Variants in CLIP1 observed in about 807,000 individuals in gnomAD.
CLIP1 encodes the protein CAP-Gly domain-containing linker protein 1.
CLIP1 carries 66 observed loss-of-function variants against 161.6 expected under a neutral mutation model. The observed-to-expected ratio is 0.41, with a 90% CI of 0.33 to 0.50. The LOEUF (loss-of-function observed/expected upper bound fraction) is 0.50. Among genes scored for constraint, CLIP1 ranks in the 20% least tolerant of loss-of-function variants. The pLI, the probability that CLIP1 is intolerant of heterozygous loss-of-function variation, is 0.27. For missense variants in CLIP1, 1,376 were observed against 1,702.0 expected (o/e 0.81, Z 3.37); for synonymous variants, 598 against 626.2 (o/e 0.96, Z 0.67).
chr12:122,372,659 G>A (rs571186438), intron 3 of CLIP1, among the ~76,000 whole-genome samples: 1 of 151,810 alleles, frequency 6.6e-6, no homozygotes, highest in African/African-American at 2.4e-5. Context: ...TCATCGCAAA[G>A]GAATTAAGCT....
intron 1 of CLIP1, among the ~76,000 whole-genome samples, chr12:122,404,201 T>G (rs916480226): frequency 1.3e-5 from 2 of 152,154 alleles, no homozygotes; most frequent in Non-Finnish European, 2.9e-5. Context: ...GAAGGGCCAA[T>G]GTATCAAATC....
intron 3 of CLIP1, among the ~76,000 whole-genome samples, chr12:122,364,617 C>CTGGT (rs1240164999): frequency 6.6e-6 from 1 of 152,034 alleles, no homozygotes; most frequent in Non-Finnish European, 1.5e-5. Flanking sequence ...GTTGCCCAGG[C>CTGGT]TGGTCTTGAA....
chr12:122,407,679 G>T (rs1361995956), intron 1 of CLIP1, among the ~76,000 whole-genome samples: 2 of 129,114 alleles, frequency 1.5e-5, no homozygotes, highest in Non-Finnish European at 3.1e-5. Context: ...GCCTGGATGA[G>T]TTTTTTTTTT....
chr12:122,319,807 G>C (rs1566111641), intron 17 of CLIP1, among the ~76,000 whole-genome samples: 1 of 152,102 alleles, frequency 6.6e-6, no homozygotes, highest in Non-Finnish European at 1.5e-5. Flanking sequence ...AATTTAGGCT[G>C]AGAATTTTTC....
intron 3 of CLIP1, among the ~76,000 whole-genome samples, chr12:122,375,357 C>T (rs987598266): frequency 6.6e-6 from 1 of 150,920 alleles, no homozygotes; most frequent in African/African-American, 2.4e-5. Flanking sequence ...CACTCTGTTG[C>T]CCAGGCTAGA....
Position 122,354,482 on chromosome 12 carries a change from C to T in CLIP1, c.1278G>A (p.Glu426=), listed in dbSNP as rs1338800233. 1.9e-6 allele frequency: 3 copies of T among 1,613,664 alleles called. No individual in the cohort carries two copies. Among genetic ancestry groups the T allele is most frequent in the Non-Finnish European group, 2.5e-6 (3 of 1,179,832 alleles). The part of the protein sequence containing the change: ...MVEAADREKV[E]LLNQLEEEKR... Reference sequence around the variant, plus strand: ...TCTCCTCTTCAAGCTGGTTGAGAAGCTCCACCTTCTCCCTGTCAGCAGCTT... The same window carrying T: ...TCTCCTCTTCAAGCTGGTTGAGAAGTTCCACCTTCTCCCTGTCAGCAGCTT... Residue 426 remains glutamate (E), a synonymous_variant, in exon 7 of 26, where the codon GAG becomes GAA. Transcript: ENST00000620786.
At chr12:122,391,788 C>G (rs1022593528) in intron 1 of CLIP1, among the ~76,000 whole-genome samples, 6 of 152,104 alleles carry the variant, frequency 3.9e-5, no homozygotes, top group Admixed American at 1.3e-4. Flanking sequence ...AGCCTCAATG[C>G]CTGGAAAACA....
intron 1 of CLIP1, among the ~76,000 whole-genome samples, chr12:122,422,108 G>T (rs1187734992): frequency 6.6e-6 from 1 of 152,118 alleles, no homozygotes; most frequent in Non-Finnish European, 1.5e-5. Context: ...GGGGCAACAG[G>T]TCCCGCCCGG....
At chr12:122,296,480 C>T (rs1368865042) in intron 20 of CLIP1, among the ~76,000 whole-genome samples, 1 of 151,782 alleles carries the variant, frequency 6.6e-6, no homozygotes, top group Non-Finnish European at 1.5e-5. Flanking sequence ...CGAGGAACAC[C>T]AAGGAAAAAT....
chr12:122,359,597 T>C (rs1361344669), intron 5 of CLIP1, among the ~76,000 whole-genome samples: 2 of 152,224 alleles, frequency 1.3e-5, no homozygotes, highest in South Asian at 2.1e-4. Flanking sequence ...TAAAAGTAAT[T>C]TTTCTGTTGA....
intron 1 of CLIP1, among the ~76,000 whole-genome samples, chr12:122,417,297 AAAAAC>A (rs374831413): frequency 0.01 from 1,530 of 151,918 alleles, 26 homozygotes; most frequent in African/African-American, 0.034. Context: ...ATTTTGTCTT[AAAAAC>A]AAAACAAAAC....
At chr12:122,357,203 G>A (rs1365697876) in intron 5 of CLIP1, among the ~76,000 whole-genome samples, 1 of 151,576 alleles carries the variant, frequency 6.6e-6, no homozygotes, top group Non-Finnish European at 1.5e-5. Flanking sequence ...GAGCGTCTCT[G>A]CCCGGCCGCC....
chr12:122,300,803 T>A (rs1950651326), intron 20 of CLIP1, among the ~76,000 whole-genome samples: 2 of 152,300 alleles, frequency 1.3e-5, no homozygotes, highest in Middle Eastern at 6.8e-3. Flanking sequence ...CTCTCTATAT[T>A]TTTTTCTACT....
chr12:122,357,170 C>T (rs1196015493), intron 5 of CLIP1, among the ~76,000 whole-genome samples: 3 of 151,582 alleles, frequency 2.0e-5, no homozygotes, highest in African/African-American at 4.8e-5. Flanking sequence ...TCTTCCCGGC[C>T]GCCGTCCCAT....
At chr12:122,289,206 CG>C (rs1251608528) in intron 20 of CLIP1, among the ~76,000 whole-genome samples, 1 of 151,460 alleles carries the variant, frequency 6.6e-6, no homozygotes, top group African/African-American at 2.4e-5. Flanking sequence ...GCAAGATGGG[CG>C]GATCAGGAGT....
In CLIP1 at chr12:122,311,456, G is replaced by C. The variant is rs1352729691; in HGVS notation, c.3474-1574C>G. ...TTTTTTTTTTTTGAGACAGAGTCTC[G>C]CTCTGTCGCCCAGGCTGGAGTGCAG... On this transcript the variant is annotated intron_variant, in intron 19 of 25. Transcript: ENST00000620786. The surrounding 1 kb of genome is among the most constrained non-coding windows in gnomAD (Gnocchi z 4.3). 6.6e-6 allele frequency among the ~76,000 whole-genome samples: 1 copy of C among 150,946 alleles called. No homozygotes were observed. Among genetic ancestry groups the C allele is most frequent in the African/African-American group, 2.4e-5 (1 of 40,892 alleles).
chr12:122,376,860 A>G (rs1402337829), intron 3 of CLIP1, among the ~76,000 whole-genome samples: 1 of 152,114 alleles, frequency 6.6e-6, no homozygotes, highest in Non-Finnish European at 1.5e-5. Flanking sequence ...AGAATAGTTC[A>G]CTGCTCTTTC....
At chr12:122,386,308 A>G (rs567236437) in intron 1 of CLIP1, among the ~76,000 whole-genome samples, 1 of 152,192 alleles carries the variant, frequency 6.6e-6, no homozygotes, top group South Asian at 2.1e-4. Flanking sequence ...AAAAAAGAAA[A>G]TACATCAAAA....
At chr12:122,350,905 C>T (rs1420653117) in intron 9 of CLIP1, 6 of 412,836 alleles carry the variant, frequency 1.5e-5, no homozygotes, top group African/African-American at 2.0e-5. Context: ...TCATTAAACA[C>T]ATGAATGTGT....
Sources: allele counts gnomAD v4.1 joint callset (sites outside exome capture counted in the v4.1 genomes callset), GRCh38; gene constraint gnomAD v4.1.1; non-coding constraint Gnocchi (gnomAD v3.1); transcripts MANE v1.5; gene names NCBI Gene and HGNC (gene_info 2026-07-23, HGNC 2026-07-21).